FAM117A: variants seen among roughly 807,000 people sequenced by gnomAD.
FAM117A encodes protein FAM117A.
Under a neutral mutation model 44.1 loss-of-function variants are expected in FAM117A, and 21 were observed. The observed-to-expected ratio is 0.48, with a 90% CI of 0.34 to 0.69. The LOEUF (loss-of-function observed/expected upper bound fraction) is 0.69. FAM117A is among the 30% of genes least tolerant of loss of function. The pLI is 0.01. For synonymous variants in FAM117A, 220 were observed against 238.3 expected (o/e 0.92, Z 0.71); for missense variants, 498 against 589.9 (o/e 0.84, Z 1.61).
intron 1 of FAM117A, among the ~76,000 whole-genome samples, chr17:49,756,034 G>A (rs563594149): frequency 3.3e-5 from 5 of 152,232 alleles, no homozygotes; most frequent in South Asian, 2.1e-4. Flanking sequence ...TCCAGTATAC[G>A]GCAGAAGGGA....
chr17:49,727,351 C>T (rs1407164273), intron 2 of FAM117A, among the ~76,000 whole-genome samples: 3 of 152,062 alleles, frequency 2.0e-5, no homozygotes, highest in East Asian at 1.9e-4. Flanking sequence ...GAGGTTGCAG[C>T]GAGCCAAAAT....
intron 1 of FAM117A, among the ~76,000 whole-genome samples, chr17:49,740,097 G>C (rs983688016): frequency 6.6e-6 from 1 of 152,240 alleles, no homozygotes; most frequent in Non-Finnish European, 1.5e-5. Flanking sequence ...TAGAGAGAGG[G>C]AGCTATGAGT....
intron 3 of FAM117A, among the ~76,000 whole-genome samples, chr17:49,721,644 C>T (rs957152496): frequency 9.9e-5 from 15 of 152,224 alleles, no homozygotes; most frequent in African/African-American, 3.4e-4. Flanking sequence ...GAAGCTGCCA[C>T]ACAGCATGTC....
At chr17:49,743,472 G>A (rs1278022339) in intron 1 of FAM117A, among the ~76,000 whole-genome samples, 6 of 152,220 alleles carry the variant, frequency 3.9e-5, no homozygotes, top group Non-Finnish European at 8.8e-5. Context: ...GCTCACGCCT[G>A]TAATCCCAGC....
intron 1 of FAM117A, among the ~76,000 whole-genome samples, chr17:49,758,060 G>A (rs948746785): frequency 6.6e-6 from 1 of 152,206 alleles, no homozygotes; most frequent in African/African-American, 2.4e-5. Flanking sequence ...CAGGTGTGGT[G>A]GCTCACGCCT....
chr17:49,756,972 T>C (rs2073701522), intron 1 of FAM117A, among the ~76,000 whole-genome samples: 1 of 150,720 alleles, frequency 6.6e-6, no homozygotes, highest in South Asian at 2.1e-4. Context: ...ACCTACAGCT[T>C]TGTTCTGTCA....
rs553408267 is a variant in FAM117A, at chr17:49,716,443, T to C, written c.911-128A>G. The C allele has an allele frequency of 2.5e-5, 19 of 762,800 alleles. No homozygotes were observed. The Admixed American group carries it at 4.7e-4, about 19-fold the overall frequency. The allele number at this position is 762,800 out of a possible 1,614,324, so 47.3% of individuals were successfully genotyped here. ...TAAGGAAGAGGGTAGCGGGTGTGCT[T>C]ATCCAGTGTGATTATACTCTACCTT... On this transcript the variant is annotated intron_variant, in intron 6 of 7. Transcript: ENST00000240364.
chr17:49,788,958 C>T (rs940861509), upstream of FAM117A: 4 of 1,064,672 alleles, frequency 3.8e-6, no homozygotes, highest in Non-Finnish European at 3.9e-6. Context: ...TCCGCTCCCC[C>T]GAACCTTGTT....
chr17:49,748,914 C>T (rs959231220), intron 1 of FAM117A, among the ~76,000 whole-genome samples: 4 of 152,162 alleles, frequency 2.6e-5, no homozygotes, highest in Non-Finnish European at 5.9e-5. Flanking sequence ...GGCACACAAG[C>T]GGCAGTGTCT....
chr17:49,754,551 G>A (rs926668029), intron 1 of FAM117A, among the ~76,000 whole-genome samples: 1 of 151,790 alleles, frequency 6.6e-6, no homozygotes, highest in Non-Finnish European at 1.5e-5. Context: ...TGATCCACCC[G>A]CCTCAGCCTC....
At chr17:49,720,675 A>G (rs963204511) in intron 3 of FAM117A, among the ~76,000 whole-genome samples, 10 of 152,152 alleles carry the variant, frequency 6.6e-5, no homozygotes, top group Admixed American at 2.0e-4. Flanking sequence ...AAAAATATAC[A>G]ACATGGAAAC....
At chr17:49,788,277 G>C (rs2073831869) in intron 1 of FAM117A, among the ~76,000 whole-genome samples, 1 of 152,026 alleles carries the variant, frequency 6.6e-6, no homozygotes, top group African/African-American at 2.4e-5. Context: ...CCGCAACTTT[G>C]AGTTTATATA....
intron 1 of FAM117A, among the ~76,000 whole-genome samples, chr17:49,760,964 A>G (rs2073720338): frequency 6.6e-6 from 1 of 152,226 alleles, no homozygotes; most frequent in Non-Finnish European, 1.5e-5. Context: ...CTCCTAGCCC[A>G]GGTTCATAAA....
In FAM117A at chr17:49,763,943, G is replaced by C; in HGVS notation, c.145C>G (p.Pro49Ala). ...TGGTGCGGCTGCTGCAGCTGGAAGGGGATCGTGGCCCTGAGCGGCTGCAGC... is the reference window on the plus strand; with the variant it reads ...TGGTGCGGCTGCTGCAGCTGGAAGGCGATCGTGGCCCTGAGCGGCTGCAGC... ...AGLQPLRATIPFQLQQPHQRR... is the reference protein window; with the variant it reads ...AGLQPLRATIAFQLQQPHQRR... Residue 49 changes from proline to alanine, a missense_variant, in exon 1 of 8, where the codon CCC (proline) becomes GCC (alanine). By Grantham distance (27) the Pro-to-Ala change is conservative. Transcript: ENST00000240364. 1 of 1,237,214 alleles carries C rather than the reference G, an allele frequency of 8.1e-7. No homozygotes were observed. Among genetic ancestry groups the C allele is most frequent in the Non-Finnish European group, 1.0e-6 (1 of 991,560 alleles). 76.6% of individuals were successfully genotyped at this position (1,237,214 alleles called of 1,614,324 possible).
At position 49,764,014 on chromosome 17, in the gene FAM117A, C is replaced by A. The variant is rs999761928; in HGVS notation, c.74G>T (p.Arg25Leu). The change falls in exon 1 of 8, where the codon CGG becomes CTG. Residue 25 changes from arginine to leucine, a missense_variant. Arg to Leu is a moderately radical substitution (Grantham distance 102, BLOSUM62 -2). Transcript: ENST00000240364. ...GPGRGGAGGL[R>L]RGCSPPAPAG... ...GGGGGCTGGGGGAGAGCAGCCCCGC[C>A]GGAGCCCCCCGGCCCCTCCGCGCCC... 1.7e-6 allele frequency: 2 copies of A among 1,202,630 alleles called. No homozygotes were observed. The highest frequency in any genetic ancestry group is 2.1e-6 in the Non-Finnish European group (2 of 964,740). 74.5% of individuals were successfully genotyped at this position (1,202,630 alleles called of 1,614,324 possible). A position where few individuals can be genotyped will look rare whatever the true frequency, so the allele number is the denominator to read the frequency against.
At chr17:49,740,023 G>T (rs1473980207) in intron 1 of FAM117A, among the ~76,000 whole-genome samples, 1 of 152,192 alleles carries the variant, frequency 6.6e-6, no homozygotes, top group Non-Finnish European at 1.5e-5. Flanking sequence ...GAGATAAGAA[G>T]CCTTAGGTGC....
chr17:49,779,735 T>C (rs1344127180), intron 1 of FAM117A, among the ~76,000 whole-genome samples: 2 of 152,208 alleles, frequency 1.3e-5, no homozygotes, highest in Non-Finnish European at 2.9e-5. Flanking sequence ...TTGGGAACCA[T>C]GGATATATAC....
At chr17:49,786,782 A>G (rs1289463736) in intron 1 of FAM117A, among the ~76,000 whole-genome samples, 4 of 150,828 alleles carry the variant, frequency 2.7e-5, no homozygotes, top group African/African-American at 9.8e-5. Flanking sequence ...GTCTCAGAAA[A>G]AAAAAAAAAA....
At chr17:49,749,575 CAA>C (rs1167215497) in intron 1 of FAM117A, among the ~76,000 whole-genome samples, 84 of 45,874 alleles carry the variant, frequency 1.8e-3, no homozygotes, top group African/African-American at 5.1e-3. Flanking sequence ...GACTCCGTCT[CAA>C]AAAAAAAAAA....
Sources: allele counts gnomAD v4.1 joint callset (sites outside exome capture counted in the v4.1 genomes callset), GRCh38; gene constraint gnomAD v4.1.1; transcripts MANE v1.5; gene names NCBI Gene and HGNC (gene_info 2026-07-23, HGNC 2026-07-21).